Variants in SETBP1 observed in about 807,000 individuals in gnomAD.
SETBP1 encodes SET binding protein 1, also known as SET-binding protein.
SETBP1 carries 9 observed loss-of-function variants against 101.0 expected under a neutral mutation model. The ratio of observed to expected loss-of-function variants is 0.09; its 90% CI spans 0.05 to 0.16. The LOEUF (loss-of-function observed/expected upper bound fraction) is 0.16, where lower values mean the gene tolerates loss of function less well. Ranked by LOEUF, SETBP1 falls within the 10% of genes least tolerant of loss-of-function variation. SETBP1 has a pLI of 1.00. For synonymous variants in SETBP1, 818 were observed against 788.5 expected, an observed-to-expected ratio of 1.04 and a Z score of -0.63; for missense variants, 1,858 against 2,033.8, an observed-to-expected ratio of 0.91 and a Z score of 1.66.
chr18:45,014,169 G>A (rs547597257), intron 4 of SETBP1, among the ~76,000 whole-genome samples: 3 of 152,330 alleles, frequency 2.0e-5, no homozygotes, highest in African/African-American at 7.2e-5. Context: ...GCTGAGGGAG[G>A]TAGTAAAACA....
intron 3 of SETBP1, among the ~76,000 whole-genome samples, chr18:44,894,170 A>G (rs933023154): frequency 2.0e-5 from 3 of 152,200 alleles, no homozygotes; most frequent in African/African-American, 7.2e-5. Context: ...CATCACCTCA[A>G]GCAGGTCACT....
chr18:44,882,516 T>TG (rs2069553222), intron 3 of SETBP1, among the ~76,000 whole-genome samples: 2 of 151,776 alleles, frequency 1.3e-5, no homozygotes, highest in Admixed American at 1.3e-4. Context: ...TTTTTTTTTT[T>TG]AACCTGCCTC....
intron 3 of SETBP1, among the ~76,000 whole-genome samples, chr18:44,936,970 A>G (rs1334844651): frequency 2.0e-5 from 3 of 152,192 alleles, no homozygotes; most frequent in African/African-American, 7.2e-5. Flanking sequence ...CTGAGTTTAA[A>G]TGAGGTACTC....
intron 2 of SETBP1, among the ~76,000 whole-genome samples, chr18:44,780,458 G>A (rs977089677): frequency 2.0e-5 from 3 of 152,108 alleles, no homozygotes; most frequent in Non-Finnish European, 4.4e-5. Context: ...CCATTGAAGG[G>A]GTCAGCTTTT....
intron 2 of SETBP1, among the ~76,000 whole-genome samples, chr18:44,850,519 C>A (rs1007870202): frequency 2.0e-5 from 3 of 152,048 alleles, no homozygotes; most frequent in Non-Finnish European, 2.9e-5. Flanking sequence ...TACAGGCGAA[C>A]GTCACCATGC....
intron 4 of SETBP1, among the ~76,000 whole-genome samples, chr18:44,963,350 AG>A (rs2071652443): frequency 3.3e-5 from 5 of 152,200 alleles, no homozygotes; most frequent in African/African-American, 4.8e-5. Context: ...AACTGGGGTT[AG>A]CCAAGCCCAG....
chr18:44,958,984 C>A (rs1339478345), intron 4 of SETBP1, among the ~76,000 whole-genome samples: 2 of 151,890 alleles, frequency 1.3e-5, no homozygotes, highest in Admixed American at 6.6e-5. Context: ...TTTGTAGCAA[C>A]GTAACAAAAA....
rs182854123 is a variant in SETBP1 at position 45,063,781 on chromosome 18, C to G, written c.*83C>G. ...GAGCCGGGGCGGGGGCGGAATCCCC[C>G]GCTGCAGGGACACCCACGCCCTTCT... On this transcript the variant is annotated 3_prime_UTR_variant, in exon 6 of 6. Coordinates refer to ENST00000649279, the MANE Select transcript of SETBP1 (RefSeq NM_015559.3). 13 of 1,456,334 alleles carry G rather than the reference C, an allele frequency of 8.9e-6. No individual in the cohort carries two copies. Among genetic ancestry groups the G allele is most frequent in the South Asian group, 2.5e-5 (2 of 80,056 alleles). 90.2% of individuals were successfully genotyped at this position (1,456,334 alleles called of 1,614,324 possible). A position where few individuals can be genotyped will look rare whatever the true frequency, so the allele number is the denominator to read the frequency against.
chr18:44,745,967 G>C (rs191215300), intron 2 of SETBP1, among the ~76,000 whole-genome samples: 1 of 152,158 alleles, frequency 6.6e-6, no homozygotes, highest in East Asian at 1.9e-4. Context: ...GATCTGGAAG[G>C]CACACACACA....
chr18:44,778,518 A>G (rs1568138786), intron 2 of SETBP1, among the ~76,000 whole-genome samples: 1 of 152,196 alleles, frequency 6.6e-6, no homozygotes, highest in South Asian at 2.1e-4. Flanking sequence ...TCTTGATCTC[A>G]TTATGGTTTT....
intron 2 of SETBP1, among the ~76,000 whole-genome samples, chr18:44,703,020 T>C (rs1470765704): frequency 6.6e-6 from 1 of 152,232 alleles, no homozygotes; most frequent in Non-Finnish European, 1.5e-5. Flanking sequence ...GAATTTATTT[T>C]ATATCCTAGG....
At chr18:45,044,204 T>C (rs1304775875) in intron 5 of SETBP1, among the ~76,000 whole-genome samples, 1 of 152,048 alleles carries the variant, frequency 6.6e-6, no homozygotes, top group Non-Finnish European at 1.5e-5. Flanking sequence ...ATTGAAGAAG[T>C]CTCCAAATTG....
intron 4 of SETBP1, among the ~76,000 whole-genome samples, chr18:45,014,444 G>T (rs1366456306): frequency 1.3e-5 from 2 of 152,202 alleles, no homozygotes; most frequent in African/African-American, 4.8e-5. Flanking sequence ...TTGGATCAGG[G>T]CAGCGCATTT....
At chr18:45,052,031 C>T (rs2073730487) in intron 5 of SETBP1, among the ~76,000 whole-genome samples, 1 of 123,028 alleles carries the variant, frequency 8.1e-6, no homozygotes, top group African/African-American at 2.8e-5. Flanking sequence ...AGATTGATTT[C>T]AAGTAAGTCA....
intron 2 of SETBP1, among the ~76,000 whole-genome samples, chr18:44,724,015 G>C (rs1001616279): frequency 3.3e-5 from 5 of 152,182 alleles, no homozygotes; most frequent in Non-Finnish European, 5.9e-5. Context: ...TGCTATCAGA[G>C]AGCAAAGTAG....
At chr18:44,831,240 G>A (rs535126356) in intron 2 of SETBP1, among the ~76,000 whole-genome samples, 1 of 152,204 alleles carries the variant, frequency 6.6e-6, no homozygotes, top group Admixed American at 6.5e-5. Context: ...TTGTTTTCAT[G>A]GATTATTTTA....
At chr18:45,027,390 T>A (rs1004289969) in intron 4 of SETBP1, among the ~76,000 whole-genome samples, 1 of 152,164 alleles carries the variant, frequency 6.6e-6, no homozygotes, top group Non-Finnish European at 1.5e-5. Flanking sequence ...CTAACTATCA[T>A]GGGGAAGAGC....
rs532024578 is a variant in SETBP1, at chr18:44,708,921, T to G, written c.486+7089T>G. Among the ~76,000 whole-genome samples, 16 of 152,374 alleles carry G rather than the reference T, an allele frequency of 1.1e-4. No homozygotes were observed. In the South Asian group the frequency reaches 3.3e-3, roughly 32 times the overall value. Reference sequence around the variant, plus strand: ...TATAAACAGATTTTTGACCTCTGTTTGGACCCACTGTTCCGTCATCAAATT... The same window carrying G: ...TATAAACAGATTTTTGACCTCTGTTGGGACCCACTGTTCCGTCATCAAATT... On this transcript the variant is annotated intron_variant, in intron 2 of 5. Transcript: ENST00000649279.
intron 2 of SETBP1, among the ~76,000 whole-genome samples, chr18:44,746,052 C>A (rs2070238668): frequency 6.6e-6 from 1 of 152,092 alleles, no homozygotes; most frequent in African/African-American, 2.4e-5. Flanking sequence ...GGTCACTCTG[C>A]CACTCTGCCA....
Sources: allele counts gnomAD v4.1 joint callset (sites outside exome capture counted in the v4.1 genomes callset), GRCh38; gene constraint gnomAD v4.1.1; transcripts MANE v1.5; gene names NCBI Gene and HGNC (gene_info 2026-07-23, HGNC 2026-07-21).